The following FNDC1 variants were observed in gnomAD, a reference collection of about 807,000 sequenced individuals.
FNDC1 encodes the protein fibronectin type III domain containing 1.
Under a neutral mutation model 168.0 loss-of-function variants are expected in FNDC1, and 96 were observed. The ratio of observed to expected loss-of-function variants is 0.57; its 90% CI spans 0.48 to 0.68. The LOEUF (loss-of-function observed/expected upper bound fraction) is 0.68, where lower values mean the gene tolerates loss of function less well. FNDC1 is among the 30% of genes least tolerant of loss of function. The pLI is 0.00. For missense variants in FNDC1, 2,587 were observed against 2,482.1 expected, an observed-to-expected ratio of 1.04 and a Z score of -0.90; for synonymous variants, 1,099 against 1,025.9, an observed-to-expected ratio of 1.07 and a Z score of -1.36.
At chr6:159,243,832 T>C (rs1357386354) in intron 14 of FNDC1, among the ~76,000 whole-genome samples, 10 of 152,184 alleles carry the variant, frequency 6.6e-5, no homozygotes, top group Non-Finnish European at 1.3e-4. Context: ...GTTTATTTGG[T>C]CTTAAGAAAA....
chr6:159,180,074 G>A (rs1160797052), intron 1 of FNDC1, among the ~76,000 whole-genome samples: 2 of 152,154 alleles, frequency 1.3e-5, no homozygotes, highest in Non-Finnish European at 2.9e-5. Context: ...CAAACTGAGT[G>A]GCTTTAAACA....
intron 4 of FNDC1, among the ~76,000 whole-genome samples, chr6:159,213,226 C>T (rs988387554): frequency 6.6e-6 from 1 of 152,102 alleles, no homozygotes; most frequent in Non-Finnish European, 1.5e-5. Flanking sequence ...AGCTGTTGTC[C>T]CTGCTGTTGG....
rs1172613650 is a variant in FNDC1, at chr6:159,269,289, TATCC to T, written c.5569+1375_5569+1378del. ...CTATCTATCTATCTATCTATCTATC[TATCC>T]ATCCATCCATCTATCCTATCTATTT... On this transcript the variant is annotated intron_variant, in intron 22 of 22. Coordinates refer to ENST00000297267, the MANE Select transcript of FNDC1 (RefSeq NM_032532.3). 8.6e-3 allele frequency among the ~76,000 whole-genome samples: 386 copies of T among 45,038 alleles called. 8 individuals carry two copies. The highest frequency in any genetic ancestry group is 0.017 in the Middle Eastern group (1 of 60). 29.5% of individuals were successfully genotyped at this position (45,038 alleles called of 152,430 possible).
At chr6:159,238,688 G>A (rs1583901306) in intron 13 of FNDC1, 23 bp downstream of exon 13, 1 of 1,457,378 alleles carries the variant, frequency 6.9e-7, no homozygotes, top group Non-Finnish European at 9.4e-7. Flanking sequence ...GGTTTTTAAA[G>A]AATAAAAGCC....
At position 159,239,722 on chromosome 6, in the gene FNDC1, C is replaced by T. The variant is rs1279305646; in HGVS notation, c.4386C>T (p.Thr1462=). 6.5e-7 allele frequency: 1 copy of T among 1,548,222 alleles called. No individual in the cohort carries two copies. Among genetic ancestry groups the T allele is most frequent in the Non-Finnish European group, 8.7e-7 (1 of 1,144,916 alleles). The change falls in exon 14 of 23, where the codon ACC becomes ACT. Residue 1462 remains threonine (T), a synonymous_variant. Coordinates refer to ENST00000297267, the MANE Select transcript of FNDC1 (RefSeq NM_032532.3). ...CCACTACTACGACGCCCCTGCCTAC[C>T]ACTACAACCCCGAGGCCCACCACTG... ...QPTTTTTPLP[T]TTTPRPTTAT...
chr6:159,225,899 G>GT (rs1782946791), intron 8 of FNDC1, among the ~76,000 whole-genome samples, 177 bp downstream of exon 8: 1 of 152,178 alleles, frequency 6.6e-6, no homozygotes, highest in African/African-American at 2.4e-5. Context: ...TTAAGGAACT[G>GT]TTTTTTGGGT....
chr6:159,192,512 G>T (rs412690), intron 1 of FNDC1, among the ~76,000 whole-genome samples: 1 of 151,828 alleles, frequency 6.6e-6, no homozygotes, highest in Non-Finnish European at 1.5e-5. Context: ...GCCTATTTTC[G>T]TCCACCATGG....
rs777298064 is a variant in FNDC1 at position 159,234,206 on chromosome 6, C to G, written c.3694C>G (p.Pro1232Ala). 6.3e-7 allele frequency: 1 copy of G among 1,597,072 alleles called. No homozygotes were observed. Among genetic ancestry groups the G allele is most frequent in the Non-Finnish European group, 8.5e-7 (1 of 1,171,788 alleles). ...EEREPAIALA[P>A]RGGSLAPVKR... ...GAGGGAGCCTGCCATCGCGCTTGCCCCTCGCGGAGGGAGCCTGGCTCCTGT... is the reference window on the plus strand; with the variant it reads ...GAGGGAGCCTGCCATCGCGCTTGCCGCTCGCGGAGGGAGCCTGGCTCCTGT... The change falls in exon 11 of 23, where the codon CCT becomes GCT. Residue 1232 changes from proline (P) to alanine (A), a missense_variant. Physicochemically the swap from Pro to Ala is conservative, Grantham distance 27 (BLOSUM62 -1). Coordinates refer to ENST00000297267, the MANE Select transcript of FNDC1 (RefSeq NM_032532.3).
chr6:159,230,076 C>T, intron 10 of FNDC1, 73 bp downstream of exon 10: 1 of 1,427,798 alleles, frequency 7.0e-7, no homozygotes, highest in Admixed American at 1.9e-5. Flanking sequence ...TCCTTTGAAT[C>T]ATGCTCTTGG....
intron 4 of FNDC1, among the ~76,000 whole-genome samples, chr6:159,214,022 TAGTC>T (rs1286575909): frequency 6.6e-6 from 1 of 152,248 alleles, no homozygotes; most frequent in Non-Finnish European, 1.5e-5. Flanking sequence ...CTAATAAAAT[TAGTC>T]AGAATTGGTG....
intron 1 of FNDC1, among the ~76,000 whole-genome samples, chr6:159,175,656 G>T (rs1237146715): frequency 6.6e-6 from 1 of 152,210 alleles, no homozygotes; most frequent in Non-Finnish European, 1.5e-5. Context: ...GATGGATTTG[G>T]CCTGTGGATG....
At chr6:159,247,116 T>G (rs1400926502) in intron 15 of FNDC1, 147 bp downstream of exon 15, 3 of 655,578 alleles carry the variant, frequency 4.6e-6, no homozygotes, top group Non-Finnish European at 8.2e-6. Flanking sequence ...TAGGGAAGGG[T>G]GGTTGTACCC....
chr6:159,188,629 C>T (rs905773393), intron 1 of FNDC1, among the ~76,000 whole-genome samples: 58 of 151,972 alleles, frequency 3.8e-4, no homozygotes, highest in South Asian at 2.3e-3. Context: ...CCACCTGCCT[C>T]GGCCTCCCAA....
chr6:159,256,466 C>T (rs294890), intron 17 of FNDC1, 57 bp from the exon 18 acceptor site: 920,050 of 1,315,060 alleles, frequency 0.7, 325,908 homozygotes, highest in Middle Eastern at 0.74. Context: ...TGGGTTACAT[C>T]TTGTGTGTGA....
intron 4 of FNDC1, among the ~76,000 whole-genome samples, chr6:159,204,929 G>C (rs931421828): frequency 4.6e-5 from 7 of 152,108 alleles, no homozygotes; most frequent in Non-Finnish European, 4.4e-5. Flanking sequence ...CTTGCTTCCT[G>C]CTTCCCTGGG....
chr6:159,192,142 T>G (rs899309412), intron 1 of FNDC1, among the ~76,000 whole-genome samples: 3 of 152,186 alleles, frequency 2.0e-5, no homozygotes. Flanking sequence ...CCTCCCAAAG[T>G]GCTGGGATAA....
At chr6:159,241,619 A>T (rs573994676) in intron 14 of FNDC1, among the ~76,000 whole-genome samples, 1 of 152,344 alleles carries the variant, frequency 6.6e-6, no homozygotes, top group East Asian at 1.9e-4. Context: ...TCATCCTCAT[A>T]TCGCATTTTA....
rs1777376209 is a variant in FNDC1, at chr6:159,256,492, TCCATTGGGTTTTTC to T, written c.5066-29_5066-16del. On this transcript the variant is annotated splice_polypyrimidine_tract_variant and intron_variant, in intron 17 of 22. Transcript: ENST00000297267. ...TTGTGTGTGACTTGGTTCCTTGGTGTCCATTGGGTTTTTCCTGTTTCCATTTTCAGGTTACTTGG... is the reference window on the plus strand; with the variant it reads ...TTGTGTGTGACTTGGTTCCTTGGTGTCTGTTTCCATTTTCAGGTTACTTGG... The T allele has an allele frequency of 6.6e-7, 1 of 1,505,762 alleles. No homozygotes were observed. Among genetic ancestry groups the T allele is most frequent in the African/African-American group, 1.4e-5 (1 of 72,770 alleles). The allele number at this position is 1,505,762 out of a possible 1,614,324, so 93.3% of individuals were successfully genotyped here.
At chr6:159,198,775 G>A (rs1180634705) in intron 2 of FNDC1, among the ~76,000 whole-genome samples, 1 of 152,242 alleles carries the variant, frequency 6.6e-6, no homozygotes, top group Non-Finnish European at 1.5e-5. Flanking sequence ...TCAAACACAT[G>A]TGGATTAAAT....
Sources: allele counts gnomAD v4.1 joint callset (sites outside exome capture counted in the v4.1 genomes callset), GRCh38; gene constraint gnomAD v4.1.1; transcripts MANE v1.5; gene names NCBI Gene and HGNC (gene_info 2026-07-23, HGNC 2026-07-21).